Variants in PMM2 observed in about 807,000 individuals in gnomAD.
The protein encoded by PMM2 is mannose-6-phosphate isomerase.
PMM2 carries 35 observed loss-of-function variants against 33.2 expected under a neutral mutation model. The ratio of observed to expected loss-of-function variants is 1.06; its 90% CI spans 0.81 to 1.40. PMM2 has a LOEUF of 1.40. Ranked by LOEUF, PMM2 falls within the 40% of genes most tolerant of loss-of-function variation. PMM2 has a pLI of 0.00. For missense variants in PMM2, 386 were observed against 306.0 expected, an observed-to-expected ratio of 1.26 and a Z score of -1.95; for synonymous variants, 153 against 114.7, an observed-to-expected ratio of 1.33 and a Z score of -2.13.
intron 2 of PMM2, among the ~76,000 whole-genome samples, chr16:8,803,223 A>G (rs946184589): frequency 6.6e-6 from 1 of 152,228 alleles, no homozygotes; most frequent in African/African-American, 2.4e-5. Context: ...CCATTACTAG[A>G]AGAGTAATCT....
At chr16:8,847,354 T>C (rs2060933294) in intron 7 of PMM2, among the ~76,000 whole-genome samples, 1 of 145,176 alleles carries the variant, frequency 6.9e-6, no homozygotes, top group Non-Finnish European at 1.5e-5. Context: ...CCTTGTGACT[T>C]GTTAGAAAAG....
intron 7 of PMM2, among the ~76,000 whole-genome samples, chr16:8,819,227 C>T (rs902010396): frequency 2.6e-5 from 4 of 152,232 alleles, no homozygotes; most frequent in Admixed American, 2.6e-4. Context: ...TGGTCTGTCT[C>T]TGCACTGGGA....
At chr16:8,818,223 G>A (rs1464882460) in intron 7 of PMM2, among the ~76,000 whole-genome samples, 1 of 152,158 alleles carries the variant, frequency 6.6e-6, no homozygotes, top group Non-Finnish European at 1.5e-5. Context: ...TTTAATGGCT[G>A]TATAATATTC....
chr16:8,810,895 C>G (rs1446844907), intron 4 of PMM2, 184 bp from the exon 5 acceptor site: 3 of 621,162 alleles, frequency 4.8e-6, no homozygotes, highest in Non-Finnish European at 8.7e-6. Flanking sequence ...TTCATATTAG[C>G]CACATTTCAA....
intron 7 of PMM2, among the ~76,000 whole-genome samples, chr16:8,836,959 G>T (rs1209153673): frequency 6.6e-6 from 1 of 152,090 alleles, no homozygotes; most frequent in Admixed American, 6.6e-5. Context: ...GTCACAGAAT[G>T]AACTGTAAGC....
chr16:8,844,376 G>A (rs1185435750), intron 7 of PMM2, among the ~76,000 whole-genome samples: 1 of 152,016 alleles, frequency 6.6e-6, no homozygotes, highest in Non-Finnish European at 1.5e-5. Flanking sequence ...CGGGAAAGGG[G>A]TTGGGGCATG....
chr16:8,841,645 A>G (rs1273239309), intron 7 of PMM2, among the ~76,000 whole-genome samples: 6 of 146,202 alleles, frequency 4.1e-5, no homozygotes, highest in Non-Finnish European at 7.5e-5. Flanking sequence ...CTTTGCTGCT[A>G]TGTGGCGATT....
At chr16:8,844,906 C>G (rs942445179) in intron 7 of PMM2, among the ~76,000 whole-genome samples, 5 of 152,174 alleles carry the variant, frequency 3.3e-5, no homozygotes, top group African/African-American at 1.2e-4. Context: ...TGAGATGTTT[C>G]TTGGGCTGGT....
At chr16:8,832,009 A>T in intron 7 of PMM2, 1 of 340,360 alleles carries the variant, frequency 2.9e-6, no homozygotes, top group Non-Finnish European at 4.2e-6. Flanking sequence ...AGTAACCTTT[A>T]GTGCATATGC....
chr16:8,831,719 ACAGAAATGGG>A (rs1370263415), intron 7 of PMM2, among the ~76,000 whole-genome samples: 1 of 152,208 alleles, frequency 6.6e-6, no homozygotes, highest in African/African-American at 2.4e-5. Context: ...AACAGCATGT[ACAGAAATGGG>A]CTGCGGTGGG....
chr16:8,841,496 C>T (rs1302251321), intron 7 of PMM2, among the ~76,000 whole-genome samples: 2 of 133,034 alleles, frequency 1.5e-5, no homozygotes, highest in Non-Finnish European at 3.3e-5. Context: ...AGGGAAGGGG[C>T]CTGAATAATC....
rs2060679077 is a variant in PMM2, at chr16:8,811,726, T to C, written c.523+13T>C. 2 of 1,576,980 alleles carry C rather than the reference T, an allele frequency of 1.3e-6. No homozygotes were observed. The highest frequency in any genetic ancestry group is 1.7e-6 in the Non-Finnish European group (2 of 1,146,182). ...ACGTTTTCCATAGGTATTGTATATA[T>C]TGCCTGTGTTCCAAACTTGGATACC... On this transcript the variant is annotated intron_variant, in intron 6 of 7. Coordinates refer to ENST00000268261, the MANE Select transcript of PMM2 (RefSeq NM_000303.3).
rs528616927 is a variant in PMM2 at position 8,828,533 on chromosome 16, C to T, written c.639+15427C>T. On this transcript the variant is annotated intron_variant, in intron 7 of 7. Coordinates refer to ENST00000268261, the MANE Select transcript of PMM2 (RefSeq NM_000303.3). ...GCTAGACATGACACTGTCACATGTCCTCTCAGACCAGCTACCGACATGAAC... is the reference window on the plus strand; with the variant it reads ...GCTAGACATGACACTGTCACATGTCTTCTCAGACCAGCTACCGACATGAAC... 3.7e-4 allele frequency among the ~76,000 whole-genome samples: 57 copies of T among 152,290 alleles called. No homozygotes were observed. The South Asian group carries it at 5.2e-3, about 14-fold the overall frequency.
chr16:8,817,488 A>G (rs927442960), intron 7 of PMM2, among the ~76,000 whole-genome samples: 1 of 152,240 alleles, frequency 6.6e-6, no homozygotes, highest in Non-Finnish European at 1.5e-5. Context: ...CTTCATGTAA[A>G]TAGCCATTTA....
intron 1 of PMM2, 147 bp downstream of exon 1, chr16:8,798,095 G>A (rs902739606): frequency 2.6e-6 from 2 of 771,354 alleles, no homozygotes; most frequent in Non-Finnish European, 4.4e-6. Flanking sequence ...TGGGTGCACT[G>A]GAGGAATGAG....
chr16:8,843,479 C>A (rs1184798842), intron 7 of PMM2, among the ~76,000 whole-genome samples: 1 of 149,504 alleles, frequency 6.7e-6, no homozygotes, highest in Non-Finnish European at 1.5e-5. Context: ...TGGGACACGG[C>A]TTAGGAGGAA....
At chr16:8,819,860 C>G (rs146649123) in intron 7 of PMM2, among the ~76,000 whole-genome samples, 437 of 152,274 alleles carry the variant, frequency 2.9e-3, no homozygotes, top group Non-Finnish European at 4.2e-3. Context: ...AGAGGAAGCA[C>G]AGTGGGAAGT....
chr16:8,804,846 A>G lies in PMM2; in HGVS notation c.255+3A>G, dbSNP rs1229689543. On this transcript the variant is annotated splice_donor_region_variant and intron_variant, in intron 3 of 7. Transcript: ENST00000268261. ...ATGGGAAACTCTTGTGTAGACAGGT[A>G]GGTTCTTGAGTATCTGAATTACTAT... The G allele has an allele frequency of 6.3e-7, 1 of 1,583,026 alleles. No individual in the cohort carries two copies. Among genetic ancestry groups the G allele is most frequent in the South Asian group, 1.1e-5 (1 of 90,386 alleles).
chr16:8,827,332 GA>G (rs1163494929), intron 7 of PMM2, among the ~76,000 whole-genome samples: 1,755 of 133,702 alleles, frequency 0.013, 29 homozygotes, highest in African/African-American at 0.044. Context: ...ATTCCTCGAA[GA>G]AAAAAAAAAA....
Sources: gnomAD v4.1 joint callset for allele counts (sites outside exome capture counted in the v4.1 genomes callset) on GRCh38, gnomAD v4.1.1 for gene constraint, MANE v1.5 for transcripts, NCBI Gene and HGNC (gene_info 2026-07-23, HGNC 2026-07-21) for gene names.